The following SV2B variants were observed in gnomAD, a reference collection of about 807,000 sequenced individuals.
SV2B encodes solute carrier family 22 member B2.
SV2B carries 41 observed loss-of-function variants against 73.9 expected under a neutral mutation model. The observed-to-expected ratio is 0.56, with a 90% CI of 0.43 to 0.72. The LOEUF (loss-of-function observed/expected upper bound fraction) is 0.72, where lower values mean the gene tolerates loss of function less well. Ranked by LOEUF, SV2B falls within the 30% of genes least tolerant of loss-of-function variation. SV2B has a pLI of 0.00. For synonymous variants in SV2B, 314 were observed against 314.2 expected, an observed-to-expected ratio of 1.00 and a Z score of 0.01; for missense variants, 764 against 857.8, an observed-to-expected ratio of 0.89 and a Z score of 1.37.
At chr15:91,195,815 C>G (rs991170622) in intron 1 of SV2B, among the ~76,000 whole-genome samples, 9 of 152,160 alleles carry the variant, frequency 5.9e-5, no homozygotes, top group Non-Finnish European at 1.2e-4. Flanking sequence ...TAGCACAGAG[C>G]CTGACACATA....
At chr15:91,211,749 G>C (rs898398959) in intron 1 of SV2B, among the ~76,000 whole-genome samples, 1 of 147,836 alleles carries the variant, frequency 6.8e-6, no homozygotes, top group East Asian at 2.0e-4. Flanking sequence ...TAATCCACCC[G>C]CCTCAGCCTC....
chr15:91,281,672 TC>T lies in SV2B; in HGVS notation c.1374-55del. 6.6e-7 allele frequency: 1 copy of T among 1,513,844 alleles called. No individual in the cohort carries two copies. The highest frequency in any genetic ancestry group is 8.9e-7 in the Non-Finnish European group (1 of 1,123,776). 93.8% of individuals were successfully genotyped at this position (1,513,844 alleles called of 1,614,324 possible). A position where few individuals can be genotyped will look rare whatever the true frequency, so the allele number is the denominator to read the frequency against. On this transcript the variant is annotated intron_variant, in intron 9 of 12. Transcript: ENST00000394232. The surrounding 1 kb of genome is among the most constrained non-coding windows in gnomAD (Gnocchi z 4.7). ...TGCCTTGCTGTGTTTTCCATTTTGG[TC>T]TTAAGTCTCTTTTTTTCTCAGATGA...
At chr15:91,113,930 T>C (rs903964397) in intron 1 of SV2B, among the ~76,000 whole-genome samples, 3 of 152,150 alleles carry the variant, frequency 2.0e-5, no homozygotes, top group African/African-American at 7.2e-5. Context: ...GCCTTCCCAC[T>C]GGACTATAGA....
intron 1 of SV2B, among the ~76,000 whole-genome samples, chr15:91,196,745 C>A (rs1365065034): frequency 1.3e-5 from 2 of 152,156 alleles, no homozygotes; most frequent in Non-Finnish European, 2.9e-5. Context: ...TTTTTGCTTG[C>A]TGAACAGGAT....
intron 1 of SV2B, among the ~76,000 whole-genome samples, chr15:91,212,895 C>T (rs2045913542): frequency 6.6e-6 from 1 of 151,474 alleles, no homozygotes; most frequent in Non-Finnish European, 1.5e-5. Flanking sequence ...AATCCCAGCA[C>T]TAAGGTAGCC....
At chr15:91,190,992 T>A (rs959441621) in intron 1 of SV2B, among the ~76,000 whole-genome samples, 2 of 151,618 alleles carry the variant, frequency 1.3e-5, no homozygotes, top group Admixed American at 1.3e-4. Context: ...TCTGTCCTTA[T>A]GATAATTTTT....
intron 1 of SV2B, among the ~76,000 whole-genome samples, chr15:91,185,686 G>A (rs2044743088): frequency 6.6e-6 from 1 of 152,190 alleles, no homozygotes; most frequent in African/African-American, 2.4e-5. Context: ...ATATGATGGG[G>A]ATTAGGATGA....
rs1216596955 is a variant in SV2B at position 91,227,451 on chromosome 15, T to C, written c.451+737T>C. Among the ~76,000 whole-genome samples, 1 of 152,244 alleles carries C rather than the reference T, an allele frequency of 6.6e-6. No homozygotes were observed. The highest frequency in any genetic ancestry group is 1.5e-5 in the Non-Finnish European group (1 of 68,044). ...GATGTAGAAAAGATTCATCATCATA[T>C]GGACAAGCATTTGTCTTTAGTCACC... On this transcript the variant is annotated intron_variant, in intron 2 of 12. Transcript: ENST00000394232. The surrounding 1 kb of genome is among the most constrained non-coding windows in gnomAD (Gnocchi z 4.5).
At chr15:91,157,438 C>T (rs2043529161) in intron 1 of SV2B, among the ~76,000 whole-genome samples, 1 of 152,184 alleles carries the variant, frequency 6.6e-6, no homozygotes, top group African/African-American at 2.4e-5. Flanking sequence ...ACATTTCCCT[C>T]ATTTCTTCCT....
chr15:91,265,925 G>T lies in SV2B; in HGVS notation c.1009-657G>T, dbSNP rs143322825. Reference sequence around the variant, plus strand: ...TGGGAGGCCAAGGCAGGTGGATCACGAGGCCAGGAGATGGAGACCATCCTG... The same window carrying T: ...TGGGAGGCCAAGGCAGGTGGATCACTAGGCCAGGAGATGGAGACCATCCTG... On this transcript the variant is annotated intron_variant, in intron 6 of 12. Transcript: ENST00000394232. This position sits in a 1 kb window ranked among gnomAD's most constrained non-coding sequence, Gnocchi z 4.2. 2.0e-5 allele frequency among the ~76,000 whole-genome samples: 3 copies of T among 152,200 alleles called. No homozygotes were observed. Among genetic ancestry groups the T allele is most frequent in the Non-Finnish European group, 4.4e-5 (3 of 68,036 alleles).
intron 9 of SV2B, among the ~76,000 whole-genome samples, chr15:91,275,535 G>GA: frequency 6.6e-6 from 1 of 152,146 alleles, no homozygotes; most frequent in Non-Finnish European, 1.5e-5. Context: ...AAAAATAGAA[G>GA]AAAAATAGGC....
chr15:91,263,662 G>A (rs1396615333), intron 6 of SV2B, among the ~76,000 whole-genome samples: 1 of 145,086 alleles, frequency 6.9e-6, no homozygotes, highest in Non-Finnish European at 1.5e-5. Context: ...ACAGACACAG[G>A]CACACACAGA....
At position 91,197,777 on chromosome 15, in the gene SV2B, T is replaced by C. The variant is rs2045304193; in HGVS notation, c.-391-28096T>C. Among the ~76,000 whole-genome samples, 1 of 151,916 alleles carries C rather than the reference T, an allele frequency of 6.6e-6. No individual in the cohort carries two copies. Among genetic ancestry groups the C allele is most frequent in the African/African-American group, 2.4e-5 (1 of 41,378 alleles). On this transcript the variant is annotated intron_variant, in intron 1 of 12. Transcript: ENST00000394232. This position sits in a 1 kb window ranked among gnomAD's most constrained non-coding sequence, Gnocchi z 4.9. ...AGCCAGGCCCGGTGGCCCACGCCTG[T>C]AATCCCAGCACTTTGGGAGGCCGAG...
In SV2B at chr15:91,268,740, C is replaced by T; in HGVS notation, c.1373+135C>T. The T allele has an allele frequency of 1.7e-6, 2 of 1,162,110 alleles. No homozygotes were observed. Among genetic ancestry groups the T allele is most frequent in the Non-Finnish European group, 2.4e-6 (2 of 846,096 alleles). The allele number at this position is 1,162,110 out of a possible 1,614,324, so 72.0% of individuals were successfully genotyped here. ...CCAAGGCTGGTGTCATCATCACAAC[C>T]TGTCATGGCTGCCAGTGACGCCATA... On this transcript the variant is annotated intron_variant, in intron 9 of 12. Coordinates refer to ENST00000394232, the MANE Select transcript of SV2B (RefSeq NM_001323032.3). This position sits in a 1 kb window ranked among gnomAD's most constrained non-coding sequence, Gnocchi z 4.4.
rs1377557378 is a variant in SV2B, at chr15:91,136,910, A to G, written c.-392+36547A>G. Among the ~76,000 whole-genome samples, 1 of 152,190 alleles carries G rather than the reference A, an allele frequency of 6.6e-6. No homozygotes were observed. The highest frequency in any genetic ancestry group is 1.5e-5 in the Non-Finnish European group (1 of 68,032). ...CAGCTTATTCCTGCTCTCCTGGTCA[A>G]TGGCAACTTACCTTGACCGGGATTT... is the stretch of plus-strand genomic sequence containing the variant. On this transcript the variant is annotated intron_variant, in intron 1 of 12. Coordinates refer to ENST00000394232, the MANE Select transcript of SV2B (RefSeq NM_001323032.3). The surrounding 1 kb of genome is among the most constrained non-coding windows in gnomAD (Gnocchi z 5.6).
Position 91,141,961 on chromosome 15 carries a change from C to T in SV2B, c.-392+41598C>T, listed in dbSNP as rs778560356. On this transcript the variant is annotated intron_variant, in intron 1 of 12. Transcript: ENST00000394232. The surrounding 1 kb of genome is among the most constrained non-coding windows in gnomAD (Gnocchi z 4.6). ...AGAGCTCCTGAGCAGAGGAATGGCA[C>T]AAAGAGAGCAGGGAGGCAGAGAGGT... Among the ~76,000 whole-genome samples the T allele has an allele frequency of 2.0e-5, 3 of 152,080 alleles. No homozygotes were observed. Among genetic ancestry groups the T allele is most frequent in the Non-Finnish European group, 4.4e-5 (3 of 68,018 alleles).
At chr15:91,215,026 T>C (rs1475124424) in intron 1 of SV2B, among the ~76,000 whole-genome samples, 1 of 152,190 alleles carries the variant, frequency 6.6e-6, no homozygotes, top group Non-Finnish European at 1.5e-5. Flanking sequence ...AGGCATCCCA[T>C]AGCTATCCCA....
rs1265670003 is a variant in SV2B, at chr15:91,110,558, C to G, written c.-392+10195C>G. On this transcript the variant is annotated intron_variant, in intron 1 of 12. Coordinates refer to ENST00000394232, the MANE Select transcript of SV2B (RefSeq NM_001323032.3). The surrounding 1 kb of genome is among the most constrained non-coding windows in gnomAD (Gnocchi z 5.4). The stretch of plus-strand genomic sequence containing the variant: ...ATCGCACGCAGAATCTGACCGTGGC[C>G]TCTCGCCTGATCTGGGGTGCAGCAG... Among the ~76,000 whole-genome samples the G allele has an allele frequency of 2.6e-5, 4 of 152,220 alleles. No homozygotes were observed. Among genetic ancestry groups the G allele is most frequent in the Non-Finnish European group, 5.9e-5 (4 of 68,032 alleles).
At chr15:91,166,658 T>C (rs1475774571) in intron 1 of SV2B, among the ~76,000 whole-genome samples, 3 of 152,080 alleles carry the variant, frequency 2.0e-5, no homozygotes, top group Non-Finnish European at 2.9e-5. Flanking sequence ...TTTTATATCC[T>C]CTATTATTCA....
Sources: allele counts gnomAD v4.1 joint callset (sites outside exome capture counted in the v4.1 genomes callset), GRCh38; gene constraint gnomAD v4.1.1; non-coding constraint Gnocchi (gnomAD v3.1); transcripts MANE v1.5; gene names NCBI Gene and HGNC (gene_info 2026-07-23, HGNC 2026-07-21).